Variants in LMO7 observed in about 807,000 individuals in gnomAD.
The protein encoded by LMO7 is LIM domain 7.
A neutral mutation model predicts 206.5 loss-of-function variants in LMO7; 120 were observed. The observed-to-expected ratio is 0.58, with a 90% CI of 0.50 to 0.68. The LOEUF is 0.68. Ranked by LOEUF, LMO7 falls within the 30% of genes least tolerant of loss-of-function variation. The pLI is 0.00. For missense variants in LMO7, 1,959 were observed against 1,957.9 expected (o/e 1.00, Z -0.01); for synonymous variants, 706 against 681.5 (o/e 1.04, Z -0.56).
At chr13:75,733,682 TGCA>T (rs1206221089) in intron 3 of LMO7, among the ~76,000 whole-genome samples, 3 of 152,176 alleles carry the variant, frequency 2.0e-5, no homozygotes, top group African/African-American at 7.2e-5. Context: ...AACACGGTAC[TGCA>T]GATGGAAATG....
chr13:75,676,529 G>A (rs971694045), intron 1 of LMO7, among the ~76,000 whole-genome samples: 16 of 152,128 alleles, frequency 1.1e-4, no homozygotes, highest in Non-Finnish European at 2.4e-4. Context: ...AATTTGTTAG[G>A]TGTTGATTCT....
At chr13:75,725,764 A>C (rs2044416827) in intron 2 of LMO7, among the ~76,000 whole-genome samples, 2 of 152,160 alleles carry the variant, frequency 1.3e-5, no homozygotes, top group South Asian at 2.1e-4. Context: ...ATATTAACTA[A>C]CTTGTCTAAT....
In LMO7 at chr13:75,840,219, A is replaced by C. The variant is rs2059460587; in HGVS notation, c.3477+109A>C. On this transcript the variant is annotated intron_variant, in intron 21 of 30. Coordinates refer to ENST00000377534, the MANE Select transcript of LMO7 (RefSeq NM_001306080.2). ...TAGGTTGCATAAGAATTTATCAGAGAGTTATCCTTCCAAGTTGAAAAACTT... is the reference window on the plus strand; with the variant it reads ...TAGGTTGCATAAGAATTTATCAGAGCGTTATCCTTCCAAGTTGAAAAACTT... The C allele has an allele frequency of 1.7e-5, 24 of 1,388,916 alleles. No homozygotes were observed. The South Asian group carries it at 2.8e-4, about 16-fold the overall frequency. 86.0% of individuals were successfully genotyped at this position (1,388,916 alleles called of 1,614,324 possible).
chr13:75,725,517 A>T (rs2044396569), intron 2 of LMO7, among the ~76,000 whole-genome samples: 1 of 152,140 alleles, frequency 6.6e-6, no homozygotes, highest in South Asian at 2.1e-4. Flanking sequence ...CAGTAACAGA[A>T]ATATAGAAAT....
At chr13:75,760,898 C>T (rs1311781351) in intron 3 of LMO7, 34 bp from the exon 4 acceptor site, 1 of 1,611,546 alleles carries the variant, frequency 6.2e-7, no homozygotes. Flanking sequence ...AGAGAGAGCT[C>T]AGCTAAGCAA....
intron 4 of LMO7, among the ~76,000 whole-genome samples, chr13:75,777,279 A>G (rs2050638537): frequency 6.6e-6 from 1 of 152,260 alleles, no homozygotes; most frequent in South Asian, 2.1e-4. Context: ...TCTGTATAAA[A>G]TAAGGCTAGC....
chr13:75,666,235 C>A (rs2039063388), intron 1 of LMO7, among the ~76,000 whole-genome samples: 1 of 152,150 alleles, frequency 6.6e-6, no homozygotes, highest in African/African-American at 2.4e-5. Flanking sequence ...GAACGTTAAG[C>A]TTGTGGGAAT....
chr13:75,767,280 C>A (rs1307254163), intron 4 of LMO7, among the ~76,000 whole-genome samples: 2 of 152,048 alleles, frequency 1.3e-5, no homozygotes, highest in African/African-American at 4.8e-5. Flanking sequence ...AATCACTGAT[C>A]ACTTTTTATC....
At chr13:75,743,059 A>G (rs1179290747) in intron 3 of LMO7, among the ~76,000 whole-genome samples, 1 of 152,228 alleles carries the variant, frequency 6.6e-6, no homozygotes, top group Non-Finnish European at 1.5e-5. Context: ...TGGGCAAAGG[A>G]CATGGGCAGA....
In LMO7 at chr13:75,814,218, A is replaced by G. The variant is rs1361509853; in HGVS notation, c.1947-2943A>G. Among the ~76,000 whole-genome samples, 3 of 152,334 alleles carry G rather than the reference A, an allele frequency of 2.0e-5. No homozygotes were observed. The South Asian group carries it at 6.2e-4, about 32-fold the overall frequency. On this transcript the variant is annotated intron_variant, in intron 11 of 30. Coordinates refer to ENST00000377534, the MANE Select transcript of LMO7 (RefSeq NM_001306080.2). ...ATAGCCATAATAATCTTACAAAAAG[A>G]ATTAGAAACATTTTAAGTATAGCAA...
At chr13:75,736,791 G>A (rs1034347737) in intron 3 of LMO7, among the ~76,000 whole-genome samples, 1 of 152,218 alleles carries the variant, frequency 6.6e-6, no homozygotes, top group African/African-American at 2.4e-5. Context: ...GATGTTAGAA[G>A]CCTTAGTTGA....
At chr13:75,788,260 C>A (rs1595004706) in intron 4 of LMO7, among the ~76,000 whole-genome samples, 1 of 151,998 alleles carries the variant, frequency 6.6e-6, no homozygotes, top group Non-Finnish European at 1.5e-5. Context: ...GAGTTTGAGA[C>A]CAGCCTGGCC....
At chr13:75,631,129 C>T (rs2034889318) in intron 2 of LMO7, 1 of 152,130 alleles carries the variant, frequency 6.6e-6, no homozygotes, top group African/African-American at 2.4e-5. Context: ...CGGGTTCAAG[C>T]AATTCTTAGG....
chr13:75,803,231 G>A (rs1037527836), intron 7 of LMO7, among the ~76,000 whole-genome samples: 2 of 152,072 alleles, frequency 1.3e-5, no homozygotes, highest in Non-Finnish European at 2.9e-5. Flanking sequence ...TATGTTAAGC[G>A]ACTTCCTGTA....
chr13:75,631,362 G>A (rs1311242529), upstream of LMO7: 1 of 152,152 alleles, frequency 6.6e-6, no homozygotes, highest in African/African-American at 2.4e-5. Context: ...TCTCACTATG[G>A]AGGAACCATA....
At chr13:75,715,628 A>G (rs1442889524) in intron 2 of LMO7, among the ~76,000 whole-genome samples, 1 of 152,240 alleles carries the variant, frequency 6.6e-6, no homozygotes, top group Non-Finnish European at 1.5e-5. Flanking sequence ...TTTATTAAAA[A>G]ATCTTTCTCT....
Position 75,728,194 on chromosome 13 carries a change from G to A in LMO7, c.210+1096G>A, listed in dbSNP as rs769137249. On this transcript the variant is annotated intron_variant, in intron 3 of 30. Coordinates refer to ENST00000377534, the MANE Select transcript of LMO7 (RefSeq NM_001306080.2). Reference sequence around the variant, plus strand: ...TCTCGTTCTAGATCCCTGAGGAATCGCCACACTGACTTCCACAATGGATGA... The same window carrying A: ...TCTCGTTCTAGATCCCTGAGGAATCACCACACTGACTTCCACAATGGATGA... 3.9e-4 allele frequency among the ~76,000 whole-genome samples: 60 copies of A among 152,210 alleles called. 1 individual carries two copies. In the Middle Eastern group the frequency reaches 0.01, roughly 26 times the overall value.
chr13:75,738,064 T>C (rs929936447), intron 3 of LMO7, among the ~76,000 whole-genome samples: 1 of 151,640 alleles, frequency 6.6e-6, no homozygotes, highest in Admixed American at 6.6e-5. Flanking sequence ...AAATGAGCTG[T>C]GGTCAGGAGT....
chr13:75,779,452 C>T (rs527779097), intron 4 of LMO7, among the ~76,000 whole-genome samples: 1 of 152,254 alleles, frequency 6.6e-6, no homozygotes, highest in South Asian at 2.1e-4. Flanking sequence ...ATCTGAAAGA[C>T]ATCTGATTGA....
Sources: allele counts gnomAD v4.1 joint callset (sites outside exome capture counted in the v4.1 genomes callset), GRCh38; gene constraint gnomAD v4.1.1; transcripts MANE v1.5; gene names NCBI Gene and HGNC (gene_info 2026-07-23, HGNC 2026-07-21).